The following PTPRN2 variants were observed in gnomAD, a reference collection of about 807,000 sequenced individuals.
The protein encoded by PTPRN2 is receptor-type tyrosine-protein phosphatase N2.
Under a neutral mutation model 118.8 loss-of-function variants are expected in PTPRN2, and 74 were observed. That is an observed-to-expected ratio of 0.62 (90% CI 0.52 to 0.76). The LOEUF (loss-of-function observed/expected upper bound fraction) is 0.76, where lower values mean the gene tolerates loss of function less well. PTPRN2 is among the 30% of genes least tolerant of loss of function. The pLI, the probability that PTPRN2 is intolerant of heterozygous loss-of-function variation, is 0.00. For synonymous variants in PTPRN2, 641 were observed against 608.0 expected, an observed-to-expected ratio of 1.05 and a Z score of -0.80; for missense variants, 1,481 against 1,394.4, an observed-to-expected ratio of 1.06 and a Z score of -0.99.
intron 2 of PTPRN2, among the ~76,000 whole-genome samples, chr7:158,476,357 T>A (rs1820262296): frequency 6.6e-6 from 1 of 152,232 alleles, no homozygotes; most frequent in Admixed American, 6.5e-5. Context: ...ATGACTTTAG[T>A]TACAAAGCCA....
At chr7:157,793,198 C>T (rs1021658477) in intron 12 of PTPRN2, among the ~76,000 whole-genome samples, 1 of 152,232 alleles carries the variant, frequency 6.6e-6, no homozygotes, top group East Asian at 1.9e-4. Flanking sequence ...CCGAGAGTCC[C>T]CTGCTGTTCC....
At position 158,574,227 on chromosome 7, in the gene PTPRN2, G is replaced by C. The variant is rs184590706; in HGVS notation, c.112+13331C>G. 3.7e-3 allele frequency among the ~76,000 whole-genome samples: 569 copies of C among 152,204 alleles called. 6 individuals are homozygous for C. The highest frequency in any genetic ancestry group is 9.2e-3 in the African/African-American group (382 of 41,526). The stretch of plus-strand genomic sequence containing the variant: ...CCATAGATTGAAGCTCTCCAGATTA[G>C]ACACTTAAAAACTAAGTATCTAAAA... On this transcript the variant is annotated intron_variant, in intron 1 of 22. Coordinates refer to ENST00000389418, the MANE Select transcript of PTPRN2 (RefSeq NM_002847.5). The surrounding 1 kb of genome is among the most constrained non-coding windows in gnomAD (Gnocchi z 4.6).
chr7:157,930,027 G>T (rs1157818577), intron 11 of PTPRN2, among the ~76,000 whole-genome samples: 1 of 152,300 alleles, frequency 6.6e-6, no homozygotes, highest in South Asian at 2.1e-4. Context: ...CCTGGGTGAC[G>T]CAGACTGTAA....
At position 157,784,503 on chromosome 7, in the gene PTPRN2, ACCTCAG is replaced by A. The variant is rs1198759355; in HGVS notation, c.1789-101572_1789-101567del. ...GGAACCTTCCTGCCCTGCAGGAACC[ACCTCAG>A]CCTCAGCCTCAGCGCTGGAGAGAAA... On this transcript the variant is annotated intron_variant, in intron 12 of 22. Transcript: ENST00000389418. The surrounding 1 kb of genome is among the most constrained non-coding windows in gnomAD (Gnocchi z 4.6). 6.6e-6 allele frequency among the ~76,000 whole-genome samples: 1 copy of A among 152,220 alleles called. No individual in the cohort carries two copies. The highest frequency in any genetic ancestry group is 1.9e-4 in the East Asian group (1 of 5,170).
At chr7:158,453,647 T>C (rs1046395519) in intron 2 of PTPRN2, among the ~76,000 whole-genome samples, 10 of 152,240 alleles carry the variant, frequency 6.6e-5, no homozygotes, top group African/African-American at 2.4e-4. Context: ...CTGTTGCTTC[T>C]TATTTTAAGC....
At chr7:157,692,751 T>A (rs944561678) in intron 12 of PTPRN2, among the ~76,000 whole-genome samples, 1 of 151,956 alleles carries the variant, frequency 6.6e-6, no homozygotes, top group African/African-American at 2.4e-5. Flanking sequence ...CCTCTGCCCA[T>A]GAGTGAACCC....
intron 11 of PTPRN2, among the ~76,000 whole-genome samples, chr7:158,067,145 G>A (rs894736775): frequency 3.9e-5 from 6 of 152,226 alleles, no homozygotes; most frequent in Admixed American, 3.3e-4. Context: ...TGTTAGATGG[G>A]TGGAGGGCAA....
At chr7:157,980,262 T>C (rs1454999742) in intron 11 of PTPRN2, among the ~76,000 whole-genome samples, 1 of 152,238 alleles carries the variant, frequency 6.6e-6, no homozygotes, top group East Asian at 1.9e-4. Flanking sequence ...CAGAGGGTAA[T>C]TCAGTATCTC....
intron 9 of PTPRN2, among the ~76,000 whole-genome samples, chr7:158,112,803 A>T (rs1452594866): frequency 4.6e-5 from 7 of 151,524 alleles, no homozygotes; most frequent in Non-Finnish European, 1.0e-4. Context: ...CAGGGTGCCC[A>T]GGCTGGGTAC....
At chr7:158,153,886 C>T (rs1009755239) in intron 6 of PTPRN2, among the ~76,000 whole-genome samples, 2 of 98,614 alleles carry the variant, frequency 2.0e-5, no homozygotes, top group Non-Finnish European at 4.6e-5. Flanking sequence ...GGAGGGGGCA[C>T]CCTGGGTGTG....
At chr7:157,544,559 C>T (rs1450007148) in intron 22 of PTPRN2, among the ~76,000 whole-genome samples, 4 of 152,226 alleles carry the variant, frequency 2.6e-5, no homozygotes, top group Admixed American at 6.5e-5. Context: ...GGGGCGGGGC[C>T]TCCCGTCCAG....
chr7:157,809,248 C>T (rs1805821127), intron 12 of PTPRN2, among the ~76,000 whole-genome samples: 1 of 151,552 alleles, frequency 6.6e-6, no homozygotes. Context: ...GGGCTCAGCC[C>T]TGAGCGAGGT....
At chr7:157,578,770 C>T (rs901572343) in intron 17 of PTPRN2, among the ~76,000 whole-genome samples, 7 of 152,216 alleles carry the variant, frequency 4.6e-5, no homozygotes, top group East Asian at 3.8e-4. Context: ...ACACAAAGTC[C>T]TCTGACCTCG....
At chr7:158,441,936 C>T (rs1405497392) in intron 2 of PTPRN2, among the ~76,000 whole-genome samples, 6 of 22,062 alleles carry the variant, frequency 2.7e-4, no homozygotes, top group African/African-American at 5.2e-4. Flanking sequence ...ATGGTCATGG[C>T]AGTGGTGGTG....
At position 157,674,291 on chromosome 7, in the gene PTPRN2, TCCCC is replaced by T. The variant is rs979320859; in HGVS notation, c.2001+8430_2001+8433del. Among the ~76,000 whole-genome samples the T allele has an allele frequency of 1.3e-5, 2 of 151,944 alleles. No homozygotes were observed. Among genetic ancestry groups the T allele is most frequent in the Non-Finnish European group, 2.9e-5 (2 of 67,940 alleles). ...GCGAGGGACTTGTCCTGTGGAGGCC[TCCCC>T]AGGAGGCGAGGGTGGGGGGACTCCT... On this transcript the variant is annotated intron_variant, in intron 13 of 22. Transcript: ENST00000389418. The surrounding 1 kb of genome is among the most constrained non-coding windows in gnomAD (Gnocchi z 4.5).
chr7:157,692,296 C>T (rs1585248177), intron 12 of PTPRN2, among the ~76,000 whole-genome samples: 1 of 152,222 alleles, frequency 6.6e-6, no homozygotes, highest in East Asian at 1.9e-4. Context: ...ACACCCCCCA[C>T]CTCCCCAGGC....
chr7:157,738,507 G>A (rs1022439518), intron 12 of PTPRN2, among the ~76,000 whole-genome samples: 2 of 152,248 alleles, frequency 1.3e-5, no homozygotes, highest in Non-Finnish European at 2.9e-5. Flanking sequence ...AGGGACGCAG[G>A]CTGCCGGTGC....
At chr7:158,192,960 C>T (rs969764297) in intron 4 of PTPRN2, among the ~76,000 whole-genome samples, 1 of 152,176 alleles carries the variant, frequency 6.6e-6, no homozygotes, top group Non-Finnish European at 1.5e-5. Flanking sequence ...AAGGCAGGAA[C>T]CAGGTTCTCG....
chr7:157,996,451 T>A (rs945539036), intron 11 of PTPRN2, among the ~76,000 whole-genome samples: 1 of 152,244 alleles, frequency 6.6e-6, no homozygotes, highest in African/African-American at 2.4e-5. Context: ...GAGAACCTAC[T>A]GGTCAGATAG....
Sources: allele counts gnomAD v4.1 joint callset (sites outside exome capture counted in the v4.1 genomes callset), GRCh38; gene constraint gnomAD v4.1.1; non-coding constraint Gnocchi (gnomAD v3.1); transcripts MANE v1.5; gene names NCBI Gene and HGNC (gene_info 2026-07-23, HGNC 2026-07-21).